The following HSPG2 variants were observed in gnomAD, a reference collection of about 807,000 sequenced individuals.
HSPG2 encodes basement membrane-specific heparan sulfate proteoglycan core protein.
Under a neutral mutation model 526.6 loss-of-function variants are expected in HSPG2, and 278 were observed. That is an observed-to-expected ratio of 0.53 (90% confidence interval 0.48 to 0.58). The LOEUF is 0.58. Among genes scored for constraint, HSPG2 ranks in the 20% least tolerant of loss-of-function variants. HSPG2 has a pLI of 0.00. For synonymous variants in HSPG2, 2,465 were observed against 2,555.4 expected, an observed-to-expected ratio of 0.96 and a Z score of 1.07; for missense variants, 5,354 against 6,099.5, an observed-to-expected ratio of 0.88 and a Z score of 4.07.
Position 21,855,883 on chromosome 1 carries a change from A to G in HSPG2, c.5605T>C (p.Ser1869Pro). 6.2e-7 allele frequency: 1 copy of G among 1,611,852 alleles called. No individual in the cohort carries two copies. Residue 1869 changes from serine (S) to proline (P), a missense_variant, in exon 45 of 97, where the codon TCC becomes CCC. Ser to Pro is a moderately conservative substitution (Grantham distance 74). Coordinates refer to ENST00000374695, the MANE Select transcript of HSPG2 (RefSeq NM_005529.7). ...ACTGTGAGCTGTGGCGGATGGATGG[A>G]GACCACGGGGGCGGACAAGGTGCCC... Reference protein sequence around the residue: ...ASGTLSAPVVSIHPPQLTVQP... With the variant: ...ASGTLSAPVVPIHPPQLTVQP...
intron 28 of HSPG2, 100 bp from the exon 29 acceptor site, chr1:21,874,111 A>G: frequency 1.0e-6 from 1 of 997,618 alleles, no homozygotes. Flanking sequence ...AAGAACAGGC[A>G]TGTGAACTCA....
In HSPG2 at chr1:21,824,862, C is replaced by G; in HGVS notation, c.12590-83G>C. The G allele has an allele frequency of 7.9e-7, 1 of 1,269,540 alleles. No individual in the cohort carries two copies. Among genetic ancestry groups the G allele is most frequent in the South Asian group, 1.3e-5 (1 of 78,260 alleles). The allele number at this position is 1,269,540 out of a possible 1,614,324, so 78.6% of individuals were successfully genotyped here. ...TCAGTTCCCCTGACCCCCACCTCCA[C>G]GCCAACATGCAGGACTAGGGGGCTC... On this transcript the variant is annotated intron_variant, in intron 91 of 96. Coordinates refer to ENST00000374695, the MANE Select transcript of HSPG2 (RefSeq NM_005529.7). The surrounding 1 kb of genome is among the most constrained non-coding windows in gnomAD (Gnocchi z 5.9).
intron 74 of HSPG2, 73 bp from the exon 75 acceptor site, chr1:21,837,079 G>A (rs2098029409): frequency 1.5e-6 from 2 of 1,353,586 alleles, no homozygotes; most frequent in African/African-American, 1.4e-5. Flanking sequence ...AGGGACCCAG[G>A]AAACCCCCAG....
At position 21,864,767 on chromosome 1, in the gene HSPG2, TGCG is replaced by T; in HGVS notation, c.4626+73_4626+75del. On this transcript the variant is annotated intron_variant, in intron 36 of 96. Transcript: ENST00000374695. This position sits in a 1 kb window ranked among gnomAD's most constrained non-coding sequence, Gnocchi z 4.8. The stretch of plus-strand genomic sequence containing the variant: ...TTATAGTTATGATGGTAATCAAGGC[TGCG>T]GCGACGCCGGCTGATTTGCTTGCTG... 2 of 1,222,116 alleles carry T rather than the reference TGCG, an allele frequency of 1.6e-6. No homozygotes were observed. The highest frequency in any genetic ancestry group is 2.4e-6 in the Non-Finnish European group (2 of 850,148). The allele number at this position is 1,222,116 out of a possible 1,614,324, so 75.7% of individuals were successfully genotyped here.
chr1:21,906,002 C>T (rs1643359640), intron 1 of HSPG2, among the ~76,000 whole-genome samples: 1 of 152,148 alleles, frequency 6.6e-6, no homozygotes, highest in Non-Finnish European at 1.5e-5. Context: ...AGAGTGAGAC[C>T]CTGTCTCTAA....
In HSPG2 at chr1:21,917,200, G is replaced by A. The variant is rs1425511210; in HGVS notation, c.63+19955C>T. 5.9e-4 allele frequency among the ~76,000 whole-genome samples: 89 copies of A among 152,048 alleles called. 2 individuals are homozygous for A. The highest frequency in any genetic ancestry group is 1.6e-4 in the Non-Finnish European group (11 of 68,020). ...TAATCCTAGCTCTTCGGGAGGCTGA[G>A]ACAGGTGGATTGCTTGAGCCCAAGA... On this transcript the variant is annotated intron_variant, in intron 1 of 96. Transcript: ENST00000374695.
chr1:21,867,609 A>G (rs182270176), intron 33 of HSPG2, among the ~76,000 whole-genome samples: 1 of 152,302 alleles, frequency 6.6e-6, no homozygotes, highest in Non-Finnish European at 1.5e-5. Flanking sequence ...GAGAATGCAT[A>G]TCACGCTTGA....
rs764582257 is a variant in HSPG2, at chr1:21,847,381, C to T, written c.8137G>A (p.Val2713Ile). The T allele has an allele frequency of 8.7e-6, 14 of 1,613,832 alleles. No homozygotes were observed. Among genetic ancestry groups the T allele is most frequent in the Admixed American group, 3.3e-5 (2 of 60,006 alleles). ...DALEASIVIS[V>I]SPSAGSPSAP... The stretch of plus-strand genomic sequence containing the variant: ...GAGGGGCTGCCGGCGCTAGGGGAGA[C>T]GGAGATGACGATGGAGGCCTCCAGG... The change falls in exon 62 of 97, where the codon GTC becomes ATC. Residue 2713 changes from valine to isoleucine, a missense_variant. Transcript: ENST00000374695. This position sits in a 1 kb window ranked among gnomAD's most constrained non-coding sequence, Gnocchi z 4.1.
At chr1:21,860,494 G>A (rs374185503) in intron 39 of HSPG2, among the ~76,000 whole-genome samples, 8 of 151,644 alleles carry the variant, frequency 5.3e-5, no homozygotes, top group African/African-American at 1.9e-4. Flanking sequence ...TTCAGCAAAC[G>A]TCCATTTTTT....
chr1:21,857,007 A>G lies in HSPG2; in HGVS notation c.5575+8T>C. 1 of 1,613,816 alleles carries G rather than the reference A, an allele frequency of 6.2e-7. No homozygotes were observed. The highest frequency in any genetic ancestry group is 2.2e-5 in the East Asian group (1 of 44,880). ...GAGGGGAGAATCAGGTATAGATGGG[A>G]GGTGTACCCTGCACATGTAGAGTGG... is the stretch of plus-strand genomic sequence containing the variant. On this transcript the variant is annotated splice_region_variant and intron_variant, in intron 44 of 96. Transcript: ENST00000374695.
chr1:21,920,141 G>A (rs372624693), intron 1 of HSPG2, among the ~76,000 whole-genome samples: 3 of 152,142 alleles, frequency 2.0e-5, no homozygotes, highest in East Asian at 3.9e-4. Flanking sequence ...TCCTGGCCTC[G>A]AGTGATCCGC....
Position 21,865,859 on chromosome 1 carries a change from G to C in HSPG2, c.4222-50C>G, listed in dbSNP as rs760045103. On this transcript the variant is annotated intron_variant, in intron 33 of 96. Coordinates refer to ENST00000374695, the MANE Select transcript of HSPG2 (RefSeq NM_005529.7). The surrounding 1 kb of genome is among the most constrained non-coding windows in gnomAD (Gnocchi z 5.4). ...CACAGGCTGACCTTGGGGTGTGAGT[G>C]TTGGACCATATAGGTGAGGGATGGA... is the stretch of plus-strand genomic sequence containing the variant. 6 of 1,420,846 alleles carry C rather than the reference G, an allele frequency of 4.2e-6. No individual in the cohort carries two copies. In the Admixed American group the frequency reaches 8.4e-5, roughly 20 times the overall value. The allele number at this position is 1,420,846 out of a possible 1,614,324, so 88.0% of individuals were successfully genotyped here. A position where few individuals can be genotyped will look rare whatever the true frequency, so the allele number is the denominator to read the frequency against.
rs2098050702 is a variant in HSPG2, at chr1:21,842,021, G to A, written c.9174C>T (p.Thr3058=). The change falls in exon 69 of 97, where the codon ACC becomes ACT. Residue 3058 remains threonine, a synonymous_variant. Coordinates refer to ENST00000374695, the MANE Select transcript of HSPG2 (RefSeq NM_005529.7). ...GAAPISLEWK[T]RNQELEDNVH... ...GCTCACCCTCCAGCTCCTGGTTCCGGGTCTTCCACTCGAGGCTGATGGGGG... is the reference window on the plus strand; with the variant it reads ...GCTCACCCTCCAGCTCCTGGTTCCGAGTCTTCCACTCGAGGCTGATGGGGG... The A allele has an allele frequency of 1.9e-6, 3 of 1,613,510 alleles. No individual in the cohort carries two copies. The South Asian group carries it at 3.3e-5, about 18-fold the overall frequency.
chr1:21,896,107 A>AT, intron 2 of HSPG2, 68 bp downstream of exon 2: 1 of 1,600,470 alleles, frequency 6.2e-7, no homozygotes, highest in Non-Finnish European at 8.6e-7. Context: ...CTCCTCCCCC[A>AT]TGCCAGTGGG....
Position 21,895,801 on chromosome 1 carries a change from A to C in HSPG2, c.244+121T>G. On this transcript the variant is annotated intron_variant, in intron 3 of 96. Coordinates refer to ENST00000374695, the MANE Select transcript of HSPG2 (RefSeq NM_005529.7). This position sits in a 1 kb window ranked among gnomAD's most constrained non-coding sequence, Gnocchi z 4.1. ...GTCACTCAGCAGGTTAAGAGATCAC[A>C]CCCACTTCTTCTTGCTTTGTACCCC... The C allele has an allele frequency of 3.4e-6, 3 of 891,748 alleles. No individual in the cohort carries two copies. Among genetic ancestry groups the C allele is most frequent in the Non-Finnish European group, 5.6e-6 (3 of 536,412 alleles). The allele number at this position is 891,748 out of a possible 1,614,324, so 55.2% of individuals were successfully genotyped here. A position where few individuals can be genotyped will look rare whatever the true frequency, so the allele number is the denominator to read the frequency against.
chr1:21,887,666 C>T lies in HSPG2; in HGVS notation c.712G>A (p.Val238Ile), dbSNP rs761078345. The change falls in exon 8 of 97, where the codon GTC becomes ATC. Residue 238 changes from valine to isoleucine, a missense_variant. By Grantham distance (29) the Val-to-Ile change is conservative. Transcript: ENST00000374695. This position sits in a 1 kb window ranked among gnomAD's most constrained non-coding sequence, Gnocchi z 5.0. Reference sequence around the variant, plus strand: ...GAGAATGTGGGGCTGATACCCAGGACTGGCTCCTCTGTGGATAGATTCCGC... The same window carrying T: ...GAGAATGTGGGGCTGATACCCAGGATTGGCTCCTCTGTGGATAGATTCCGC... Reference protein sequence around the residue: ...MSDELNCEEPVLGISPTFSLL... With the variant: ...MSDELNCEEPILGISPTFSLL... The T allele has an allele frequency of 5.0e-6, 8 of 1,613,828 alleles. No homozygotes were observed. In the African/African-American group the frequency reaches 9.3e-5, roughly 19 times the overall value.
At chr1:21,882,335 T>C (rs1411236644) in intron 13 of HSPG2, among the ~76,000 whole-genome samples, 2 of 151,978 alleles carry the variant, frequency 1.3e-5, no homozygotes, top group African/African-American at 4.8e-5. Flanking sequence ...CACATTGATA[T>C]AAAATGGCTA....
chr1:21,913,277 C>T (rs930624436), intron 1 of HSPG2, among the ~76,000 whole-genome samples: 1 of 152,112 alleles, frequency 6.6e-6, no homozygotes, highest in African/African-American at 2.4e-5. Flanking sequence ...TCAGTCTCAA[C>T]CTCTGGCACC....
At position 21,880,128 on chromosome 1, in the gene HSPG2, G is replaced by C. The variant is rs149114054; in HGVS notation, c.2322C>G (p.Asp774Glu). Residue 774 changes from aspartate (D) to glutamate (E), a missense_variant, in exon 17 of 97, where the codon GAC (aspartate) becomes GAG (glutamate). Coordinates refer to ENST00000374695, the MANE Select transcript of HSPG2 (RefSeq NM_005529.7). ...TCACCAGGCAGTGGCCATACACAGG[G>C]TCACAGGAGCTGGCATGGCCATTGC... ...CNCNGHASSC[D>E]PVYGHCLNCQ... is the part of the protein sequence containing the mutation. 1 of 1,614,100 alleles carries C rather than the reference G, an allele frequency of 6.2e-7. No homozygotes were observed. The highest frequency in any genetic ancestry group is 2.2e-5 in the East Asian group (1 of 44,888).
Sources: allele counts gnomAD v4.1 joint callset (sites outside exome capture counted in the v4.1 genomes callset), GRCh38; gene constraint gnomAD v4.1.1; non-coding constraint Gnocchi (gnomAD v3.1); transcripts MANE v1.5; gene names NCBI Gene and HGNC (gene_info 2026-07-23, HGNC 2026-07-21).